TULP4: variants seen among roughly 807,000 people sequenced by gnomAD.
TULP4 encodes the protein tubby-related protein 4.
In TULP4, 16 loss-of-function variants were observed where a neutral mutation model predicts 129.0. The observed-to-expected ratio is 0.12, with a 90% CI of 0.08 to 0.19. The LOEUF (loss-of-function observed/expected upper bound fraction) is 0.19, where lower values mean the gene tolerates loss of function less well. Ranked by LOEUF, TULP4 falls within the 10% of genes least tolerant of loss-of-function variation. TULP4 has a pLI of 1.00. For synonymous variants in TULP4, 998 were observed against 854.0 expected (o/e 1.17, Z -2.94); for missense variants, 1,842 against 2,059.1 (o/e 0.89, Z 2.04).
At chr6:158,242,763 T>G (rs1777947545) in intron 1 of TULP4, 1 of 424,354 alleles carries the variant, frequency 2.4e-6, no homozygotes, top group Non-Finnish European at 4.5e-6. Flanking sequence ...GTTCTGGCCG[T>G]ACCGGTTCAC....
At chr6:158,439,582 T>G (rs1433018936) in intron 3 of TULP4, among the ~76,000 whole-genome samples, 1 of 152,156 alleles carries the variant, frequency 6.6e-6, no homozygotes, top group Non-Finnish European at 1.5e-5. Flanking sequence ...TCTTTTAAGA[T>G]TGTGATTATA....
intron 1 of TULP4, among the ~76,000 whole-genome samples, chr6:158,342,456 G>A (rs2114757426): frequency 6.6e-6 from 1 of 152,204 alleles, no homozygotes; most frequent in East Asian, 1.9e-4. Context: ...TGTTTATATA[G>A]CCTCGGTTGT....
intron 6 of TULP4, among the ~76,000 whole-genome samples, chr6:158,462,319 CTTCTCTTCTT>C (rs1260201740): frequency 9.2e-5 from 14 of 151,604 alleles, no homozygotes; most frequent in Non-Finnish European, 1.9e-4. Flanking sequence ...TCCAGTCATC[CTTCTCTTCTT>C]GGTGCAGAGA....
chr6:158,442,603 G>A (rs781113121), intron 3 of TULP4, among the ~76,000 whole-genome samples: 1 of 152,086 alleles, frequency 6.6e-6, no homozygotes, highest in Non-Finnish European at 1.5e-5. Flanking sequence ...TCAAAGAGCC[G>A]ATATAGGGCT....
intron 6 of TULP4, among the ~76,000 whole-genome samples, chr6:158,465,791 G>A (rs1048855710): frequency 2.6e-5 from 4 of 152,174 alleles, no homozygotes; most frequent in Admixed American, 1.3e-4. Context: ...GAAGGTATAC[G>A]TTGGCTCAGC....
Position 158,503,017 on chromosome 6 carries a change from G to A in TULP4, c.3354G>A (p.Arg1118=). The A allele has an allele frequency of 1.9e-6, 3 of 1,614,022 alleles. No homozygotes were observed. The highest frequency in any genetic ancestry group is 2.5e-6 in the Non-Finnish European group (3 of 1,179,998). ...PLPEAAVTLK[R]PPPYQWDPML... ...CTGAAGCTGCTGTCACCCTGAAACGGCCACCCCCTTACCAGTGGGACCCCA... is the reference window on the plus strand; with the variant it reads ...CTGAAGCTGCTGTCACCCTGAAACGACCACCCCCTTACCAGTGGGACCCCA... Residue 1118 remains arginine, a synonymous_variant, in exon 13 of 14, where the codon CGG becomes CGA. Transcript: ENST00000367097. The surrounding 1 kb of genome is among the most constrained non-coding windows in gnomAD (Gnocchi z 4.3).
At chr6:158,381,310 G>T (rs1417799465) in intron 1 of TULP4, among the ~76,000 whole-genome samples, 4 of 152,060 alleles carry the variant, frequency 2.6e-5, no homozygotes, top group African/African-American at 7.2e-5. Flanking sequence ...ATTTTAGAAG[G>T]TGTATGCTAC....
rs552152101 is a variant in TULP4, at chr6:158,374,535, CT to C, written c.253-38528del. 3.7e-3 allele frequency among the ~76,000 whole-genome samples: 557 copies of C among 152,292 alleles called. 3 individuals carry two copies. The highest frequency in any genetic ancestry group is 0.013 in the African/African-American group (527 of 41,560). ...GGAATAGAAGAGTGCAGGGGTTTTG[CT>C]TCTAGCCTGCTACTGACTTAGGCAA... On this transcript the variant is annotated intron_variant, in intron 1 of 13. Coordinates refer to ENST00000367097, the MANE Select transcript of TULP4 (RefSeq NM_020245.5).
intron 1 of TULP4, among the ~76,000 whole-genome samples, chr6:158,375,949 C>T (rs1221510763): frequency 6.6e-6 from 1 of 152,192 alleles, no homozygotes; most frequent in Non-Finnish European, 1.5e-5. Context: ...AGGAGACAGG[C>T]TTACGACCTG....
At chr6:158,372,123 G>GT (rs757335426) in intron 1 of TULP4, among the ~76,000 whole-genome samples, 854 of 28,824 alleles carry the variant, frequency 0.03, 16 homozygotes, top group South Asian at 0.051. Flanking sequence ...CCATTTTCTA[G>GT]TTTTTTTTTT....
chr6:158,436,018 G>A (rs187484080), intron 3 of TULP4, among the ~76,000 whole-genome samples: 75 of 151,976 alleles, frequency 4.9e-4, no homozygotes, highest in Middle Eastern at 6.8e-3. Flanking sequence ...GGGTTCAAGC[G>A]ATTCTTGTGC....
upstream of TULP4, among the ~76,000 whole-genome samples, chr6:158,280,681 A>G (rs1778733152): frequency 6.6e-6 from 1 of 152,236 alleles, no homozygotes; most frequent in Non-Finnish European, 1.5e-5. Flanking sequence ...TTAATTGAAG[A>G]TATGATTTTG....
intron 1 of TULP4, among the ~76,000 whole-genome samples, chr6:158,379,763 A>G (rs781386102): frequency 5.3e-5 from 8 of 152,112 alleles, no homozygotes; most frequent in Non-Finnish European, 8.8e-5. Flanking sequence ...GACCTGGGAG[A>G]CCCTACAGTG....
chr6:158,240,980 A>C (rs1361508276), intron 1 of TULP4, among the ~76,000 whole-genome samples: 1 of 137,708 alleles, frequency 7.3e-6, no homozygotes. Context: ...GGGGCTCCTC[A>C]CTTCTCAGAC....
chr6:158,488,833 G>A (rs1780129363), intron 8 of TULP4, among the ~76,000 whole-genome samples: 6 of 152,042 alleles, frequency 3.9e-5, no homozygotes, highest in Admixed American at 3.9e-4. Flanking sequence ...GTGAGGGGAT[G>A]TGATAGCACA....
At chr6:158,288,202 T>C (rs1310190833) in intron 1 of TULP4, among the ~76,000 whole-genome samples, 1 of 152,232 alleles carries the variant, frequency 6.6e-6, no homozygotes, top group East Asian at 1.9e-4. Context: ...AAATCACCTT[T>C]AATAATTTGC....
intron 3 of TULP4, among the ~76,000 whole-genome samples, chr6:158,441,540 G>C (rs1015895648): frequency 6.6e-6 from 1 of 152,052 alleles, no homozygotes; most frequent in Admixed American, 6.5e-5. Flanking sequence ...GATCTTCCTG[G>C]GGTTCCACAT....
At chr6:158,233,828 G>A (rs1777641374) in intron 1 of TULP4, among the ~76,000 whole-genome samples, 1 of 152,210 alleles carries the variant, frequency 6.6e-6, no homozygotes, top group Non-Finnish European at 1.5e-5. Context: ...CTTAATTTGT[G>A]TGAAAGTTGT....
At chr6:158,488,790 G>A (rs1239973479) in intron 8 of TULP4, among the ~76,000 whole-genome samples, 1 of 151,768 alleles carries the variant, frequency 6.6e-6, no homozygotes. Flanking sequence ...CAGACCTGGG[G>A]CAGTGGAGGG....
Sources: gnomAD v4.1 joint callset for allele counts (sites outside exome capture counted in the v4.1 genomes callset) on GRCh38, gnomAD v4.1.1 for gene constraint, Gnocchi (gnomAD v3.1) non-coding constraint, MANE v1.5 for transcripts, NCBI Gene and HGNC (gene_info 2026-07-23, HGNC 2026-07-21) for gene names.